Variants in CDH20 observed in about 807,000 individuals in gnomAD.
CDH20 encodes the protein cadherin 20, also known as cadherin-20.
CDH20 carries 29 observed loss-of-function variants against 74.2 expected under a neutral mutation model. The observed-to-expected ratio is 0.39, with a 90% CI of 0.29 to 0.53. The LOEUF (loss-of-function observed/expected upper bound fraction) is 0.53, where lower values mean the gene tolerates loss of function less well. Among genes scored for constraint, CDH20 ranks in the 20% least tolerant of loss-of-function variants. CDH20 has a pLI of 0.69. For missense variants in CDH20, 988 were observed against 1,048.3 expected (o/e 0.94, Z 0.79); for synonymous variants, 469 against 405.4 (o/e 1.16, Z -1.88).
In CDH20 at chr18:61,494,092, G is replaced by T. The variant is rs2077986; in HGVS notation, c.246+3293G>T. Among the ~76,000 whole-genome samples the T allele has an allele frequency of 7.0e-3, 1,069 of 152,346 alleles. 12 individuals are homozygous for T. The highest frequency in any genetic ancestry group is 0.024 in the African/African-American group (983 of 41,578). On this transcript the variant is annotated intron_variant, in intron 2 of 11. Coordinates refer to ENST00000262717, the MANE Select transcript of CDH20 (RefSeq NM_031891.4). ...CTGTGAGGTGAGTATAACACAGGGA[G>T]CTAGACTCAGAGAGGTTATTTATGT...
At chr18:61,346,468 A>C (rs1488424059) in intron 1 of CDH20, among the ~76,000 whole-genome samples, 1 of 152,236 alleles carries the variant, frequency 6.6e-6, no homozygotes, top group African/African-American at 2.4e-5. Flanking sequence ...AACAATAAAC[A>C]ATTTATGGAA....
chr18:61,467,270 A>G (rs1480162832), intron 1 of CDH20, among the ~76,000 whole-genome samples: 1 of 152,148 alleles, frequency 6.6e-6, no homozygotes, highest in Non-Finnish European at 1.5e-5. Context: ...TTCTCTCTGT[A>G]TTTGGAGAGG....
chr18:61,431,848 G>A (rs995797982), intron 1 of CDH20, among the ~76,000 whole-genome samples: 4 of 152,062 alleles, frequency 2.6e-5, no homozygotes, highest in Admixed American at 6.6e-5. Context: ...ATCTGGCCAC[G>A]TGGGTAATCA....
intron 2 of CDH20, among the ~76,000 whole-genome samples, chr18:61,493,178 C>T (rs926236087): frequency 1.6e-4 from 25 of 152,186 alleles, no homozygotes; most frequent in Non-Finnish European, 8.8e-5. Flanking sequence ...TTCCTTATCT[C>T]CTTTTACCTT....
At chr18:61,444,447 G>A (rs961799359) in intron 1 of CDH20, among the ~76,000 whole-genome samples, 1 of 152,172 alleles carries the variant, frequency 6.6e-6, no homozygotes, top group Non-Finnish European at 1.5e-5. Flanking sequence ...AATATGGTAT[G>A]GGATATGCTT....
At chr18:61,370,329 A>G (rs1599041133) in intron 1 of CDH20, among the ~76,000 whole-genome samples, 1 of 152,110 alleles carries the variant, frequency 6.6e-6, no homozygotes, top group East Asian at 1.9e-4. Flanking sequence ...GTCCTTTTCC[A>G]AAAGGCATTT....
chr18:61,391,867 C>A (rs780382269), intron 1 of CDH20, among the ~76,000 whole-genome samples: 1 of 152,024 alleles, frequency 6.6e-6, no homozygotes, highest in Non-Finnish European at 1.5e-5. Flanking sequence ...AAAGCAGATT[C>A]TAAAACTATT....
At chr18:61,507,994 C>T (rs1240437452) in intron 6 of CDH20, among the ~76,000 whole-genome samples, 2 of 151,990 alleles carry the variant, frequency 1.3e-5, no homozygotes, top group Non-Finnish European at 2.9e-5. Context: ...TTTTTAATTG[C>T]TTCTCAAAGA....
chr18:61,509,717 G>C (rs1031457701), intron 6 of CDH20, among the ~76,000 whole-genome samples: 1 of 152,146 alleles, frequency 6.6e-6, no homozygotes, highest in Non-Finnish European at 1.5e-5. Context: ...TGAGGTCAGG[G>C]GAGTTTAAGG....
Position 61,500,364 on chromosome 18 carries a change from T to C in CDH20, c.542-19T>C. 6.2e-7 allele frequency: 1 copy of C among 1,610,374 alleles called. No individual in the cohort carries two copies. The highest frequency in any genetic ancestry group is 8.5e-7 in the Non-Finnish European group (1 of 1,177,814). On this transcript the variant is annotated intron_variant, in intron 3 of 11. Transcript: ENST00000262717. ...TAGCTATTAGACTTGAACAGGTTTC[T>C]ACCTCTTCTCTTCCCCAGGTACCTC...
At chr18:61,333,977 C>G (rs973193070) in intron 1 of CDH20, 150 bp downstream of exon 1, 5 of 152,406 alleles carry the variant, frequency 3.3e-5, no homozygotes, top group African/African-American at 1.2e-4. Flanking sequence ...CCTCGACGAG[C>G]CTACCGGCCG....
At chr18:61,474,559 C>G (rs969637494) in intron 1 of CDH20, among the ~76,000 whole-genome samples, 1 of 152,176 alleles carries the variant, frequency 6.6e-6, no homozygotes, top group Non-Finnish European at 1.5e-5. Flanking sequence ...GGATTCTACT[C>G]TTTTAATATT....
Position 61,550,078 on chromosome 18 carries a change from G to T in CDH20, c.1749G>T (p.Val583=). ...TGATAGCAGATAGCGGGCAGCCCGT[G>T]CTGAGCAGCACAGGCACACTGACCA... is the stretch of plus-strand genomic sequence containing the variant. ...PILIADSGQP[V]LSSTGTLTIQ... Residue 583 remains valine (V), a synonymous_variant, in exon 11 of 12, where the codon GTG becomes GTT. Coordinates refer to ENST00000262717, the MANE Select transcript of CDH20 (RefSeq NM_031891.4). The T allele has an allele frequency of 6.2e-7, 1 of 1,614,218 alleles. No homozygotes were observed. Among genetic ancestry groups the T allele is most frequent in the Non-Finnish European group, 8.5e-7 (1 of 1,180,036 alleles).
intron 10 of CDH20, among the ~76,000 whole-genome samples, chr18:61,547,453 CT>C (rs1161415210): frequency 2.6e-5 from 4 of 152,080 alleles, no homozygotes; most frequent in Non-Finnish European, 5.9e-5. Flanking sequence ...CCAGTAAAGC[CT>C]TTTTTTACTT....
intron 1 of CDH20, among the ~76,000 whole-genome samples, chr18:61,462,110 C>T (rs1474102445): frequency 6.6e-6 from 1 of 152,038 alleles, no homozygotes; most frequent in Non-Finnish European, 1.5e-5. Flanking sequence ...AGCCTCTGGT[C>T]CTTTTGTTAC....
intron 1 of CDH20, among the ~76,000 whole-genome samples, chr18:61,467,688 T>A (rs2144371673): frequency 6.6e-6 from 1 of 152,330 alleles, no homozygotes; most frequent in East Asian, 1.9e-4. Context: ...GCATCTCTTA[T>A]GTTCTACACA....
intron 1 of CDH20, among the ~76,000 whole-genome samples, chr18:61,351,722 G>A (rs1910312889): frequency 6.6e-6 from 1 of 151,938 alleles, no homozygotes; most frequent in Non-Finnish European, 1.5e-5. Flanking sequence ...CTGTGTACAA[G>A]CTCTGTGATA....
At chr18:61,336,683 T>C (rs1909769892) in intron 1 of CDH20, among the ~76,000 whole-genome samples, 1 of 152,146 alleles carries the variant, frequency 6.6e-6, no homozygotes, top group Admixed American at 6.5e-5. Context: ...TGAGCACTGT[T>C]TGGCCAAGCA....
At chr18:61,508,885 C>G (rs531146360) in intron 6 of CDH20, among the ~76,000 whole-genome samples, 1 of 152,206 alleles carries the variant, frequency 6.6e-6, no homozygotes. Context: ...AATCTGCCCC[C>G]CTCAGCCTCC....
Sources: allele counts gnomAD v4.1 joint callset (sites outside exome capture counted in the v4.1 genomes callset), GRCh38; gene constraint gnomAD v4.1.1; transcripts MANE v1.5; gene names NCBI Gene and HGNC (gene_info 2026-07-23, HGNC 2026-07-21).